The following CAPRIN2 variants were observed in gnomAD, a reference collection of about 807,000 sequenced individuals.
CAPRIN2 encodes the protein caprin-2.
A neutral mutation model predicts 130.4 loss-of-function variants in CAPRIN2; 66 were observed. The ratio of observed to expected loss-of-function variants is 0.51; its 90% CI spans 0.42 to 0.62. The LOEUF (loss-of-function observed/expected upper bound fraction) is 0.62. Among genes scored for constraint, CAPRIN2 ranks in the 20% least tolerant of loss-of-function variants. The probability of loss-of-function intolerance (pLI) is 0.00; values close to 1 mark genes in which losing one functional copy is unlikely to be tolerated. For synonymous variants in CAPRIN2, 471 were observed against 444.1 expected (o/e 1.06, Z -0.76); for missense variants, 1,185 against 1,246.6 (o/e 0.95, Z 0.74).
At chr12:30,754,808 G>A (rs2075533740), upstream of CAPRIN2, 3 of 152,014 alleles carry the variant, frequency 2.0e-5, no homozygotes, top group Admixed American at 6.6e-5. Flanking sequence ...CCAAAGCCTG[G>A]GGGAGGCAGG....
chr12:30,735,094 G>C, exon 4 of CAPRIN2: 1 of 1,614,046 alleles, frequency 6.2e-7, no homozygotes, highest in Non-Finnish European at 8.5e-7. Context: ...GTGCTCCTGT[G>C]TCAAGTTCTG....
intron 4 of CAPRIN2, among the ~76,000 whole-genome samples, 185 bp downstream of exon 5, chr12:30,734,783 T>C (rs1483733565): frequency 6.6e-6 from 1 of 152,010 alleles, no homozygotes; most frequent in Non-Finnish European, 1.5e-5. Flanking sequence ...TGTCAGACTC[T>C]GGGCCAGCCA....
chr12:30,711,660 A>G (rs772065668), intron 15 of CAPRIN2, 31 bp from the exon 18 acceptor site: 11 of 1,565,698 alleles, frequency 7.0e-6, no homozygotes, highest in African/African-American at 1.3e-5. Context: ...TTACCTTGGC[A>G]TCAAAAATGC....
intron 2 of CAPRIN2, among the ~76,000 whole-genome samples, chr12:30,750,426 G>A (rs1187565734): frequency 6.6e-6 from 1 of 152,062 alleles, no homozygotes; most frequent in East Asian, 1.9e-4. Context: ...TTCTTTCCGC[G>A]CTGCAAAAAC....
chr12:30,753,226 G>T, intron 1 of CAPRIN2, 118 bp downstream of exon 2: 2 of 768,180 alleles, frequency 2.6e-6, no homozygotes, highest in Non-Finnish European at 4.2e-6. Flanking sequence ...GTTTAAAGCA[G>T]CTAAACCTAA....
chr12:30,750,425 C>T lies in CAPRIN2; in HGVS notation c.483+646G>A, dbSNP rs1173123990. Among the ~76,000 whole-genome samples, 5 of 152,110 alleles carry T rather than the reference C, an allele frequency of 3.3e-5. No individual in the cohort carries two copies. The East Asian group carries it at 5.8e-4, about 18-fold the overall frequency. ...TCCACGAAGCACTGTTTTCTTTCCG[C>T]GCTGCAAAAACTCTCCTTCACAAAT... On this transcript the variant is annotated intron_variant, in intron 2 of 16. Transcript: ENST00000298892.
chr12:30,729,253 C>G, exon 8 of CAPRIN2: 1 of 1,611,052 alleles, frequency 6.2e-7, no homozygotes. Context: ...CTAGCATAAT[C>G]TGCTTCCCAA....
chr12:30,748,130 T>G (rs1234280587), intron 2 of CAPRIN2, among the ~76,000 whole-genome samples: 1 of 152,222 alleles, frequency 6.6e-6, no homozygotes, highest in East Asian at 1.9e-4. Flanking sequence ...TTTAGAATTT[T>G]ACATAGACTC....
intron 11 of CAPRIN2, 79 bp from the exon 13 acceptor site, chr12:30,720,994 T>C: frequency 1.1e-6 from 1 of 931,856 alleles, no homozygotes; most frequent in Non-Finnish European, 1.8e-6. Context: ...GCCTTCCTAA[T>C]ATGTTACTCT....
At chr12:30,725,823 T>C (rs780390902) in intron 9 of CAPRIN2, 143 bp downstream of exon 10, 28 of 526,558 alleles carry the variant, frequency 5.3e-5, no homozygotes, top group Non-Finnish European at 7.1e-5. Context: ...ATCAAGTAAT[T>C]TGCCTAAACT....
chr12:30,734,271 G>T (rs1018056533), intron 4 of CAPRIN2, among the ~76,000 whole-genome samples: 1 of 152,164 alleles, frequency 6.6e-6, no homozygotes, highest in African/African-American at 2.4e-5. Context: ...ATCAGAGACT[G>T]ATTTCTGGTA....
intron 2 of CAPRIN2, among the ~76,000 whole-genome samples, chr12:30,746,387 T>A (rs555426553): frequency 6.6e-6 from 1 of 152,232 alleles, no homozygotes; most frequent in Admixed American, 6.5e-5. Flanking sequence ...AGAGACCCTG[T>A]CTCTTAAAAA....
chr12:30,713,321 AAAC>A (rs2055984662), intron 15 of CAPRIN2, among the ~76,000 whole-genome samples: 1 of 142,716 alleles, frequency 7.0e-6, no homozygotes. Flanking sequence ...AAGTAAGTAT[AAAC>A]AACAACAAAA....
At chr12:30,748,287 G>A (rs1770259542) in intron 2 of CAPRIN2, among the ~76,000 whole-genome samples, 1 of 152,162 alleles carries the variant, frequency 6.6e-6, no homozygotes, top group East Asian at 1.9e-4. Context: ...TAATTTCACT[G>A]TTGTCTTAAG....
intron 3 of CAPRIN2, among the ~76,000 whole-genome samples, chr12:30,737,614 T>C (rs1208947691): frequency 1.3e-5 from 2 of 151,164 alleles, no homozygotes; most frequent in Admixed American, 6.6e-5. Flanking sequence ...TTTTTTTTTT[T>C]TGAGACGTAG....
chr12:30,751,042 G>A, intron 2 of CAPRIN2, 29 bp downstream of exon 3: 2 of 1,552,232 alleles, frequency 1.3e-6, no homozygotes, highest in East Asian at 4.5e-5. Context: ...AAACCAGCAA[G>A]TCTTACTAAA....
At chr12:30,735,950 G>A (rs2064552486) in intron 3 of CAPRIN2, among the ~76,000 whole-genome samples, 1 of 152,002 alleles carries the variant, frequency 6.6e-6, no homozygotes. Context: ...AGACCAGCCT[G>A]GGCAACATGG....
Position 30,709,686 on chromosome 12 carries a change from C to T in CAPRIN2, c.*216G>A, listed in dbSNP as rs1448556832. 15 of 507,446 alleles carry T rather than the reference C, an allele frequency of 3.0e-5. No homozygotes were observed. The East Asian group carries it at 3.5e-4, about 12-fold the overall frequency. 31.4% of individuals were successfully genotyped at this position (507,446 alleles called of 1,614,324 possible). A position where few individuals can be genotyped will look rare whatever the true frequency, so the allele number is the denominator to read the frequency against. ...CAATATACATTCACAGCTTGACTAGCGAGGCTACATCACAATTTATAAAGT... is the reference window on the plus strand; with the variant it reads ...CAATATACATTCACAGCTTGACTAGTGAGGCTACATCACAATTTATAAAGT... On this transcript the variant is annotated 3_prime_UTR_variant, in exon 17 of 17. Coordinates refer to ENST00000298892, the Ensembl canonical transcript of CAPRIN2.
intron 3 of CAPRIN2, 89 bp from the exon 5 acceptor site, chr12:30,735,295 T>C (rs2064233905): frequency 2.2e-6 from 2 of 916,838 alleles, no homozygotes; most frequent in Admixed American, 1.9e-5. Context: ...CCCAAATAGC[T>C]GAGATTAGAT....
Sources: allele counts gnomAD v4.1 joint callset (sites outside exome capture counted in the v4.1 genomes callset), GRCh38; gene constraint gnomAD v4.1.1; transcripts MANE v1.5; gene names NCBI Gene and HGNC (gene_info 2026-07-23, HGNC 2026-07-21).